CSGALNACT1: variants seen among roughly 807,000 people sequenced by gnomAD.
CSGALNACT1 encodes the protein chondroitin sulfate N-acetylgalactosaminyltransferase 1.
A neutral mutation model predicts 51.0 loss-of-function variants in CSGALNACT1; 52 were observed. The observed-to-expected ratio is 1.02, with a 90% CI of 0.82 to 1.29. The LOEUF (loss-of-function observed/expected upper bound fraction) is 1.29, where lower values mean the gene tolerates loss of function less well. Among genes scored for constraint, CSGALNACT1 ranks in the 50% most tolerant of loss-of-function variants. CSGALNACT1 has a pLI of 0.00. For synonymous variants in CSGALNACT1, 341 were observed against 254.4 expected (o/e 1.34, Z -3.24); for missense variants, 935 against 679.2 (o/e 1.38, Z -4.19).
chr8:19,555,918 G>A (rs1032001374), intron 3 of CSGALNACT1, among the ~76,000 whole-genome samples: 3 of 152,138 alleles, frequency 2.0e-5, no homozygotes, highest in South Asian at 4.1e-4. Context: ...AGAAACTGAA[G>A]AAGTAAAATG....
chr8:19,683,888 A>G (rs1293740124), upstream of CSGALNACT1, among the ~76,000 whole-genome samples: 1 of 152,192 alleles, frequency 6.6e-6, no homozygotes, highest in Non-Finnish European at 1.5e-5. Flanking sequence ...TAGTAAGGCC[A>G]GGAGTGGTGG....
intron 4 of CSGALNACT1, among the ~76,000 whole-genome samples, chr8:19,485,084 C>T (rs1048615412): frequency 6.6e-6 from 1 of 152,180 alleles, no homozygotes; most frequent in Non-Finnish European, 1.5e-5. Context: ...CCTGTTATGG[C>T]AGCCCAAGTC....
intron 1 of CSGALNACT1, among the ~76,000 whole-genome samples, chr8:19,720,672 C>A (rs1409732347): frequency 6.6e-6 from 1 of 152,122 alleles, no homozygotes; most frequent in Non-Finnish European, 1.5e-5. Context: ...TCTCTCTCCA[C>A]CCTCCCTCCC....
intron 3 of CSGALNACT1, among the ~76,000 whole-genome samples, chr8:19,510,278 AC>A (rs375270699): frequency 5.3e-5 from 8 of 152,182 alleles, no homozygotes; most frequent in African/African-American, 1.9e-4. Context: ...TCTCTGGGCA[AC>A]AAAACAATGG....
At chr8:19,610,289 C>CAAAAAA (rs58262538) in intron 1 of CSGALNACT1, among the ~76,000 whole-genome samples, 726 of 47,618 alleles carry the variant, frequency 0.015, 46 homozygotes, top group African/African-American at 0.038. Flanking sequence ...GACTCCGTCT[C>CAAAAAA]AAAAAAAAAA....
intron 6 of CSGALNACT1, among the ~76,000 whole-genome samples, chr8:19,434,070 C>T (rs1379138309): frequency 1.3e-5 from 2 of 152,276 alleles, no homozygotes; most frequent in East Asian, 1.9e-4. Context: ...ATCCATGTTT[C>T]TTGGATAAAT....
chr8:19,691,026 A>AGGCTGCAGTGAGTGGCAATTGCAC (rs1425932535), intron 1 of CSGALNACT1, among the ~76,000 whole-genome samples: 2 of 152,212 alleles, frequency 1.3e-5, no homozygotes, highest in African/African-American at 4.8e-5. Flanking sequence ...CAGGAGTTCA[A>AGGCTGCAGTGAGTGGCAATTGCAC]GGCTGCAGTG....
At chr8:19,666,659 C>T (rs950905015) in intron 1 of CSGALNACT1, among the ~76,000 whole-genome samples, 1 of 150,700 alleles carries the variant, frequency 6.6e-6, no homozygotes, top group African/African-American at 2.5e-5. Flanking sequence ...TATTGTGCTA[C>T]TGCACTCCAG....
intron 3 of CSGALNACT1, among the ~76,000 whole-genome samples, chr8:19,563,040 A>G (rs892121766): frequency 6.6e-6 from 1 of 152,258 alleles, no homozygotes; most frequent in African/African-American, 2.4e-5. Flanking sequence ...ATGCCCATCA[A>G]TGATAGACTG....
chr8:19,465,770 T>G (rs1563552187), intron 4 of CSGALNACT1, among the ~76,000 whole-genome samples: 1 of 152,298 alleles, frequency 6.6e-6, no homozygotes, highest in African/African-American at 2.4e-5. Context: ...GGCTTACCAT[T>G]TCACAGATGA....
At chr8:19,646,295 G>A (rs2057272237) in intron 1 of CSGALNACT1, among the ~76,000 whole-genome samples, 1 of 152,190 alleles carries the variant, frequency 6.6e-6, no homozygotes, top group South Asian at 2.1e-4. Flanking sequence ...AAGAGACAAA[G>A]CTCCAGCCAT....
rs572355015 is a variant in CSGALNACT1 at position 19,444,390 on chromosome 8, TG to T, written c.852-4460del. Reference sequence around the variant, plus strand: ...TTTTGGAATATTTCCAGTCCTTGATTGCTTGAATCGGAGGGTGTGGTACCCT... The same window carrying T: ...TTTTGGAATATTTCCAGTCCTTGATTCTTGAATCGGAGGGTGTGGTACCCT... On this transcript the variant is annotated intron_variant, in intron 5 of 9. Coordinates refer to ENST00000454498, the Ensembl canonical transcript of CSGALNACT1. 3.5e-4 allele frequency among the ~76,000 whole-genome samples: 54 copies of T among 152,350 alleles called. 1 individual carries two copies. The South Asian group carries it at 0.011, about 32-fold the overall frequency.
chr8:19,562,315 C>A (rs1234543951), intron 3 of CSGALNACT1, among the ~76,000 whole-genome samples: 2 of 152,234 alleles, frequency 1.3e-5, no homozygotes, highest in African/African-American at 4.8e-5. Context: ...TTTTGAAGTG[C>A]CCTTTTACAT....
At chr8:19,707,742 T>C (rs1027065692) in intron 1 of CSGALNACT1, among the ~76,000 whole-genome samples, 4 of 152,230 alleles carry the variant, frequency 2.6e-5, no homozygotes, top group Non-Finnish European at 4.4e-5. Context: ...GGCTCACACC[T>C]GTAATCCCAA....
At chr8:19,424,274 C>T (rs552828540) in intron 6 of CSGALNACT1, among the ~76,000 whole-genome samples, 13 of 152,240 alleles carry the variant, frequency 8.5e-5, no homozygotes, top group African/African-American at 2.9e-4. Context: ...CTCTGTCATC[C>T]ATCTGTGTTT....
At chr8:19,429,557 C>T (rs1411348881) in intron 6 of CSGALNACT1, among the ~76,000 whole-genome samples, 1 of 152,046 alleles carries the variant, frequency 6.6e-6, no homozygotes, top group Non-Finnish European at 1.5e-5. Flanking sequence ...TACATTAGTA[C>T]TTCATTCTCT....
chr8:19,495,920 C>A (rs2075366772), intron 4 of CSGALNACT1, among the ~76,000 whole-genome samples: 1 of 152,190 alleles, frequency 6.6e-6, no homozygotes, highest in Non-Finnish European at 1.5e-5. Flanking sequence ...AACCAATACC[C>A]ATTTTAACTC....
intron 3 of CSGALNACT1, among the ~76,000 whole-genome samples, chr8:19,530,510 T>C (rs1389660047): frequency 6.6e-6 from 1 of 152,234 alleles, no homozygotes; most frequent in Non-Finnish European, 1.5e-5. Flanking sequence ...TAAACTTTAC[T>C]AGAATTCAGT....
rs28415838 is a variant in CSGALNACT1 at position 19,581,264 on chromosome 8, G to C, written c.-297+9896C>G. Reference sequence around the variant, plus strand: ...CAGCTAGGATTGGGGAGCAATAGGAGAGCAGGTAATACTGCCAGATATAAA... The same window carrying C: ...CAGCTAGGATTGGGGAGCAATAGGACAGCAGGTAATACTGCCAGATATAAA... On this transcript the variant is annotated intron_variant, in intron 3 of 9. Coordinates refer to ENST00000454498, the Ensembl canonical transcript of CSGALNACT1. Among the ~76,000 whole-genome samples the C allele has an allele frequency of 9.4e-3, 1,429 of 152,292 alleles. 20 individuals are homozygous for C. Among genetic ancestry groups the C allele is most frequent in the African/African-American group, 0.031 (1,298 of 41,554 alleles).
Sources: allele counts gnomAD v4.1 joint callset (sites outside exome capture counted in the v4.1 genomes callset), GRCh38; gene constraint gnomAD v4.1.1; transcripts MANE v1.5; gene names NCBI Gene and HGNC (gene_info 2026-07-23, HGNC 2026-07-21).